The following PCYT1B variants were observed in gnomAD, a reference collection of about 807,000 sequenced individuals.
PCYT1B encodes phosphate cytidylyltransferase 1B, choline, also known as choline-phosphate cytidylyltransferase B.
PCYT1B carries 10 observed loss-of-function variants against 26.4 expected under a neutral mutation model. That is an observed-to-expected ratio of 0.38 (90% CI 0.23 to 0.64). PCYT1B has a LOEUF of 0.64. Ranked by LOEUF, PCYT1B falls within the 30% of genes least tolerant of loss-of-function variation. The probability of loss-of-function intolerance (pLI) is 0.56; values close to 1 mark genes in which losing one functional copy is unlikely to be tolerated. For synonymous variants in PCYT1B, 131 were observed against 108.4 expected (o/e 1.21, Z -1.29); for missense variants, 161 against 292.7 (o/e 0.55, Z 3.28).
intron 1 of PCYT1B, among the ~76,000 whole-genome samples, chrX:24,636,566 T>C (rs2148267258): frequency 8.9e-6 from 1 of 112,179 alleles, no homozygotes; most frequent in South Asian, 3.7e-4. Context: ...TGAGCCAAGA[T>C]TGCACGATTG....
chrX:24,672,549 A>G (rs1927276716), intron 1 of PCYT1B: 1 of 1,179,599 alleles, frequency 8.5e-7, no homozygotes, highest in East Asian at 3.0e-5. Flanking sequence ...GCAAAAATCA[A>G]TAAGAAAGTA....
intron 1 of PCYT1B, among the ~76,000 whole-genome samples, chrX:24,660,576 G>A (rs1264424626): frequency 9.1e-6 from 1 of 109,626 alleles, no homozygotes; most frequent in Admixed American, 9.8e-5. Flanking sequence ...TACTTGGGAG[G>A]CTGAGGCAAG....
At chrX:24,595,990 T>G (rs931756054) in intron 3 of PCYT1B, among the ~76,000 whole-genome samples, 1 of 112,061 alleles carries the variant, frequency 8.9e-6, no homozygotes, top group Non-Finnish European at 1.9e-5. Flanking sequence ...AAACACAAGT[T>G]TGTGGAGTAA....
At chrX:24,601,211 G>A (rs1262456495) in intron 3 of PCYT1B, among the ~76,000 whole-genome samples, 1 of 112,103 alleles carries the variant, frequency 8.9e-6, no homozygotes, top group Non-Finnish European at 1.9e-5. Flanking sequence ...ATAGACTGGG[G>A]GCCGGGCACG....
chrX:24,565,429 C>G (rs1023255415), intron 7 of PCYT1B, among the ~76,000 whole-genome samples: 2 of 111,139 alleles, frequency 1.8e-5, no homozygotes, highest in South Asian at 7.7e-4. Context: ...CATGTCTCAG[C>G]TGGGTCTTTG....
Position 24,646,215 on chromosome X carries a change from T to A in PCYT1B, c.117+774A>T, listed in dbSNP as rs1467305063. ...AGGTGGTTGGGAACGAAGTTTCACA[T>A]CTACCTAAAAGATCATGACCAGGGA... On this transcript the variant is annotated intron_variant, in intron 1 of 7. Transcript: ENST00000379144. Among the ~76,000 whole-genome samples, 3 of 111,425 alleles carry A rather than the reference T, an allele frequency of 2.7e-5. No individual in the cohort carries two copies. In the East Asian group the frequency reaches 8.5e-4, roughly 32 times the overall value.
chrX:24,608,125 C>T (rs1177140924), intron 2 of PCYT1B, among the ~76,000 whole-genome samples: 1 of 108,308 alleles, frequency 9.2e-6, no homozygotes, highest in Non-Finnish European at 1.9e-5. Context: ...GTTCTCTTGA[C>T]CCAGAGTGGA....
Position 24,561,894 on chromosome X carries a change from A to C in PCYT1B, c.*399T>G. 1 of 442,605 alleles carries C rather than the reference A, an allele frequency of 2.3e-6. No individual in the cohort carries two copies. Among genetic ancestry groups the C allele is most frequent in the Non-Finnish European group, 4.0e-6 (1 of 252,706 alleles). 36.5% of individuals were successfully genotyped at this position (442,605 alleles called of 1,213,427 possible). The stretch of plus-strand genomic sequence containing the variant: ...GCTGGGGTGGTGGGAGGCAACGTGC[A>C]GGACCCTTATGGACGCAGAAGTAGC... On this transcript the variant is annotated 3_prime_UTR_variant, in exon 8 of 8. Coordinates refer to ENST00000379144, the MANE Select transcript of PCYT1B (RefSeq NM_004845.5).
In PCYT1B at chrX:24,562,027, T is replaced by C; in HGVS notation, c.*266A>G. On this transcript the variant is annotated 3_prime_UTR_variant, in exon 8 of 8. Transcript: ENST00000379144. ...GCAAGTCTCTCTAGGGAACTCTGCA[T>C]CCTTCCTTAGCAAGGTTAGAGTGAC... 1 of 1,127,845 alleles carries C rather than the reference T, an allele frequency of 8.9e-7. No individual in the cohort carries two copies. The highest frequency in any genetic ancestry group is 1.2e-6 in the Non-Finnish European group (1 of 820,638). 92.9% of individuals were successfully genotyped at this position (1,127,845 alleles called of 1,213,427 possible).
chrX:24,583,336 C>T (rs192267950), intron 5 of PCYT1B, among the ~76,000 whole-genome samples: 20 of 111,709 alleles, frequency 1.8e-4, no homozygotes, highest in Middle Eastern at 4.6e-3. Flanking sequence ...AGGCCAGCCA[C>T]GTAAGTGTAC....
chrX:24,625,568 A>AT (rs1245981945), intron 1 of PCYT1B, among the ~76,000 whole-genome samples: 1 of 107,958 alleles, frequency 9.3e-6, no homozygotes. Context: ...AGAAATATCC[A>AT]TTTTTTTCAT....
intron 1 of PCYT1B, among the ~76,000 whole-genome samples, chrX:24,623,364 CAT>C (rs57642734): frequency 1.1e-3 from 87 of 79,667 alleles, no homozygotes; most frequent in East Asian, 6.3e-3. Flanking sequence ...ATGAGATTTA[CAT>C]ATATATATAT....
chrX:24,637,491 A>AAAAAAAAAAT lies in PCYT1B; in HGVS notation c.117+9497_117+9498insATTTTTTTTT. Among the ~76,000 whole-genome samples, 4 of 52,896 alleles carry AAAAAAAAAAT rather than the reference A, an allele frequency of 7.6e-5. 1 individual carries two copies. Among genetic ancestry groups the AAAAAAAAAAT allele is most frequent in the African/African-American group, 5.9e-4 (4 of 6,821 alleles). 45.9% of individuals were successfully genotyped at this position (52,896 alleles called of 115,157 possible). On this transcript the variant is annotated intron_variant, in intron 1 of 7. Coordinates refer to ENST00000379144, the MANE Select transcript of PCYT1B (RefSeq NM_004845.5). ...ACCCCATCTCTACTAAAAAAAAAAAAATATATATATATATATATATAAATT... is the reference window on the plus strand; with the variant it reads ...ACCCCATCTCTACTAAAAAAAAAAAAAAAAAAAAATATATATATATATATATATATAAATT...
At chrX:24,645,903 T>C (rs1322582634) in intron 1 of PCYT1B, among the ~76,000 whole-genome samples, 2 of 112,241 alleles carry the variant, frequency 1.8e-5, no homozygotes, top group African/African-American at 6.5e-5. Context: ...AACAGTTTTA[T>C]GATGGGTTGG....
intron 1 of PCYT1B, among the ~76,000 whole-genome samples, chrX:24,669,620 C>T (rs1384793825): frequency 1.8e-5 from 2 of 108,363 alleles, no homozygotes; most frequent in African/African-American, 6.8e-5. Flanking sequence ...ATGTGGTTAG[C>T]GGCTACCTTA....
intron 7 of PCYT1B, among the ~76,000 whole-genome samples, chrX:24,568,488 G>T (rs141996815): frequency 1.2e-3 from 131 of 111,487 alleles, no homozygotes; most frequent in Middle Eastern, 4.6e-3. Flanking sequence ...GGAGTTCAAG[G>T]TTGCAGTGAC....
rs1389568459 is a variant in PCYT1B at position 24,559,390 on chromosome X, AAAG to A, written c.*2900_*2902del. 3.2e-4 allele frequency: 32 copies of A among 99,955 alleles called. No homozygotes were observed. Among genetic ancestry groups the A allele is most frequent in the African/African-American group, 1.1e-3 (31 of 28,227 alleles). 8.2% of individuals were successfully genotyped at this position (99,955 alleles called of 1,213,427 possible). On this transcript the variant is annotated 3_prime_UTR_variant, in exon 8 of 8. Transcript: ENST00000379144. Reference sequence around the variant, plus strand: ...AGAAAGAAGGAAGAAAGAGAAAGAAAAAGAAAGAAAGAAAAAGAGGAAAGAAAA... The same window carrying A: ...AGAAAGAAGGAAGAAAGAGAAAGAAAAAAGAAAGAAAAAGAGGAAAGAAAA...
In PCYT1B at chrX:24,607,801, G is replaced by A; in HGVS notation, c.278C>T (p.Ala93Val). ...TGTTTTTGCTTGCATAAGGGCTCTT[G>A]CATGACCTGAGTGGAAGAGGTCAAA... The part of the protein sequence containing the change: ...GIFDLFHSGH[A>V]RALMQAKTLF... The change falls in exon 3 of 8, where the codon GCA becomes GTA. Residue 93 changes from alanine (A) to valine (V), a missense_variant. Coordinates refer to ENST00000379144, the MANE Select transcript of PCYT1B (RefSeq NM_004845.5). 8.3e-7 allele frequency: 1 copy of A among 1,202,087 alleles called. No individual in the cohort carries two copies. Among genetic ancestry groups the A allele is most frequent in the Non-Finnish European group, 1.1e-6 (1 of 888,074 alleles).
intron 7 of PCYT1B, among the ~76,000 whole-genome samples, chrX:24,567,496 A>G (rs963319524): frequency 1.3e-4 from 15 of 112,172 alleles, no homozygotes; most frequent in African/African-American, 4.9e-4. Flanking sequence ...AAGAGTATGC[A>G]TGGCATTTTC....
Sources: gnomAD v4.1 joint callset for allele counts (sites outside exome capture counted in the v4.1 genomes callset) on GRCh38, gnomAD v4.1.1 for gene constraint, MANE v1.5 for transcripts, NCBI Gene and HGNC (gene_info 2026-07-23, HGNC 2026-07-21) for gene names.